Variants in LSM14A observed in about 807,000 individuals in gnomAD.
LSM14A encodes the protein LSM14A mRNA processing body assembly factor, also known as protein LSM14 homolog A.
LSM14A carries 14 observed loss-of-function variants against 52.4 expected under a neutral mutation model. That is an observed-to-expected ratio of 0.27 (90% CI 0.18 to 0.42). LSM14A has a LOEUF of 0.42. LSM14A is among the 10% of genes least tolerant of loss of function. LSM14A has a pLI of 1.00. For missense variants in LSM14A, 417 were observed against 581.8 expected, an observed-to-expected ratio of 0.72 and a Z score of 2.91; for synonymous variants, 185 against 200.3, an observed-to-expected ratio of 0.92 and a Z score of 0.64.
At chr19:34,174,123 A>G (rs140460899) in intron 1 of LSM14A, among the ~76,000 whole-genome samples, 1 of 152,154 alleles carries the variant, frequency 6.6e-6, no homozygotes, top group East Asian at 1.9e-4. Context: ...CTAATTTGGT[A>G]TTTTTAGTAG....
rs71165632 is a variant in LSM14A, at chr19:34,192,319, G to GTTTTTTTTTTTTTTTTTTTTT, written c.122-2156_122-2136dup. ...ACACTGAAATAACATTCTTTTTGTT[G>GTTTTTTTTTTTTTTTTTTTTT]TTTTTTTTTTTTTTTTTTTTTTTGG... On this transcript the variant is annotated intron_variant, in intron 1 of 9. Coordinates refer to ENST00000544216, the MANE Select transcript of LSM14A (RefSeq NM_015578.4). Among the ~76,000 whole-genome samples, 22 of 53,406 alleles carry GTTTTTTTTTTTTTTTTTTTTT rather than the reference G, an allele frequency of 4.1e-4. 1 individual carries two copies. Among genetic ancestry groups the GTTTTTTTTTTTTTTTTTTTTT allele is most frequent in the African/African-American group, 7.3e-4 (9 of 12,360 alleles). The allele number at this position is 53,406 out of a possible 152,430, so 35.0% of individuals were successfully genotyped here. A position where few individuals can be genotyped will look rare whatever the true frequency, so the allele number is the denominator to read the frequency against.
chr19:34,203,824 A>C (rs1049978450), intron 3 of LSM14A, among the ~76,000 whole-genome samples: 3 of 151,556 alleles, frequency 2.0e-5, no homozygotes, highest in Non-Finnish European at 4.4e-5. Flanking sequence ...AAAGAAAGAA[A>C]GATTGTTAAA....
chr19:34,221,647 G>A lies in LSM14A; in HGVS notation c.1277G>A (p.Gly426Asp). ...CGTGGTGGCAGAGGGCGTGGTGGTG[G>A]CAGAGGTGGTACCTTCACTGCCCCT... ...GFRGGRGRGG[G>D]RGGTFTAPRG... Residue 426 changes from glycine to aspartate, a missense_variant, in exon 9 of 10, where the codon GGC becomes GAC. This residue lies in a region of LSM14A where 357 missense variants were observed against 457.0 expected (regional missense o/e 0.78). Transcript: ENST00000544216. 1 of 1,614,142 alleles carries A rather than the reference G, an allele frequency of 6.2e-7. No individual in the cohort carries two copies. The highest frequency in any genetic ancestry group is 8.5e-7 in the Non-Finnish European group (1 of 1,180,026).
At chr19:34,192,310 C>CTTTT (rs1568479681) in intron 1 of LSM14A, among the ~76,000 whole-genome samples, 20 of 51,640 alleles carry the variant, frequency 3.9e-4, no homozygotes, top group Admixed American at 9.0e-4. Context: ...AAATAACATT[C>CTTTT]TTTTTGTTGT....
intron 3 of LSM14A, chr19:34,208,207 T>C (rs1305942839): frequency 6.6e-6 from 1 of 152,206 alleles, no homozygotes; most frequent in African/African-American, 2.4e-5. Context: ...CTACCATCTT[T>C]AGGTTGGATT....
chr19:34,207,320 G>C (rs1425440185), intron 3 of LSM14A, among the ~76,000 whole-genome samples: 1 of 152,148 alleles, frequency 6.6e-6, no homozygotes, highest in East Asian at 1.9e-4. Context: ...CTGATGTCTT[G>C]GTCATCACCC....
intron 4 of LSM14A, among the ~76,000 whole-genome samples, chr19:34,214,816 A>ATT (rs35905842): frequency 1.1e-3 from 161 of 142,736 alleles, no homozygotes; most frequent in African/African-American, 3.6e-3. Flanking sequence ...CCTGGCAGCA[A>ATT]TTTTTTTTTT....
At chr19:34,224,425 T>C (rs1158401375) in intron 9 of LSM14A, among the ~76,000 whole-genome samples, 1 of 152,240 alleles carries the variant, frequency 6.6e-6, no homozygotes, top group African/African-American at 2.4e-5. Flanking sequence ...TCACACTGTT[T>C]ATCATTTTGA....
rs1023816621 is a variant in LSM14A, at chr19:34,222,630, G to C, written c.1368+892G>C. On this transcript the variant is annotated intron_variant, in intron 9 of 9. Coordinates refer to ENST00000544216, the MANE Select transcript of LSM14A (RefSeq NM_015578.4). ...TTCCATTGCCCAGTACTTAAAACTG[G>C]CCATTGTTGAGATCTCTCTGGAAAG... 2.0e-5 allele frequency among the ~76,000 whole-genome samples: 3 copies of C among 152,286 alleles called. No homozygotes were observed. The South Asian group carries it at 6.2e-4, about 32-fold the overall frequency.
intron 4 of LSM14A, 138 bp downstream of exon 4, chr19:34,209,189 C>T (rs573852159): frequency 4.4e-5 from 27 of 610,754 alleles, no homozygotes; most frequent in East Asian, 3.7e-4. Flanking sequence ...TTCTCCAAAT[C>T]GCTGTATTGC....
At chr19:34,206,334 G>T (rs553349901) in intron 3 of LSM14A, among the ~76,000 whole-genome samples, 37 of 152,106 alleles carry the variant, frequency 2.4e-4, no homozygotes, top group African/African-American at 8.9e-4. Context: ...TTGTGCCACT[G>T]CACTCCAGCC....
intron 1 of LSM14A, among the ~76,000 whole-genome samples, chr19:34,179,186 C>T (rs2069295635): frequency 6.6e-6 from 1 of 152,124 alleles, no homozygotes; most frequent in South Asian, 2.1e-4. Flanking sequence ...ATAAGTTGTT[C>T]TTAAAATCAA....
rs35374696 is a variant in LSM14A, at chr19:34,218,014, T to TC, written c.782-1372dup. The stretch of plus-strand genomic sequence containing the variant: ...AAACCTTTTTTTTTTTTTTTTTTTT[T>TC]CCCCCTGGAGATAGAATCTCGCTCT... On this transcript the variant is annotated intron_variant, in intron 6 of 9. Coordinates refer to ENST00000544216, the MANE Select transcript of LSM14A (RefSeq NM_015578.4). Among the ~76,000 whole-genome samples, 189 of 89,068 alleles carry TC rather than the reference T, an allele frequency of 2.1e-3. 5 individuals are homozygous for TC. The highest frequency in any genetic ancestry group is 2.4e-3 in the South Asian group (7 of 2,902). 58.4% of individuals were successfully genotyped at this position (89,068 alleles called of 152,430 possible).
At chr19:34,221,374 G>C in intron 8 of LSM14A, 133 bp from the exon 9 acceptor site, 1 of 1,059,206 alleles carries the variant, frequency 9.4e-7, no homozygotes, top group Non-Finnish European at 1.4e-6. Flanking sequence ...GAGCCATCAC[G>C]CCTAGCCAAG....
At chr19:34,176,155 C>T (rs914724765) in intron 1 of LSM14A, among the ~76,000 whole-genome samples, 8 of 152,076 alleles carry the variant, frequency 5.3e-5, no homozygotes, top group Admixed American at 5.2e-4. Flanking sequence ...CGGCCTGAAG[C>T]CAAAAGTTTA....
chr19:34,198,327 A>G (rs754002472), intron 3 of LSM14A, among the ~76,000 whole-genome samples: 7 of 152,196 alleles, frequency 4.6e-5, no homozygotes, highest in African/African-American at 1.7e-4. Flanking sequence ...GCAAACTAAA[A>G]CTGAATGAGC....
intron 3 of LSM14A, among the ~76,000 whole-genome samples, chr19:34,197,099 TG>T (rs2070898559): frequency 2.0e-5 from 3 of 152,090 alleles, no homozygotes; most frequent in African/African-American, 7.2e-5. Context: ...GGTTTTGTTT[TG>T]TTTTTTTTAA....
In LSM14A at chr19:34,221,653, G is replaced by A. The variant is rs1255618950; in HGVS notation, c.1283G>A (p.Gly428Asp). Residue 428 changes from glycine (G) to aspartate (D), a missense_variant, in exon 9 of 10, where the codon GGT (glycine) becomes GAT (aspartate). Gly to Asp is a moderately conservative substitution (Grantham distance 94, BLOSUM62 -1). This residue lies in a region of LSM14A where 357 missense variants were observed against 457.0 expected (regional missense o/e 0.78). Coordinates refer to ENST00000544216, the MANE Select transcript of LSM14A (RefSeq NM_015578.4). Reference sequence around the variant, plus strand: ...GGCAGAGGGCGTGGTGGTGGCAGAGGTGGTACCTTCACTGCCCCTCGAGGA... The same window carrying A: ...GGCAGAGGGCGTGGTGGTGGCAGAGATGGTACCTTCACTGCCCCTCGAGGA... ...RGGRGRGGGR[G>D]GTFTAPRGFR... 2 of 1,614,142 alleles carry A rather than the reference G, an allele frequency of 1.2e-6. No homozygotes were observed. Among genetic ancestry groups the A allele is most frequent in the Admixed American group, 3.3e-5 (2 of 60,014 alleles).
At chr19:34,209,247 T>C (rs981101990) in intron 4 of LSM14A, among the ~76,000 whole-genome samples, 196 bp downstream of exon 4, 4 of 152,238 alleles carry the variant, frequency 2.6e-5, no homozygotes, top group African/African-American at 9.6e-5. Context: ...TTATTACAGT[T>C]CTTAGATCAT....
Sources: gnomAD v4.1 joint callset for allele counts (sites outside exome capture counted in the v4.1 genomes callset) on GRCh38, gnomAD v4.1.1 for gene constraint, gnomAD v4.1.1 regional missense constraint, MANE v1.5 for transcripts, NCBI Gene and HGNC (gene_info 2026-07-23, HGNC 2026-07-21) for gene names.